TAS2R1: variants seen among roughly 807,000 people sequenced by gnomAD.
TAS2R1 encodes the protein taste receptor type 2 member 1.
For synonymous variants in TAS2R1, 141 were observed against 134.2 expected, an observed-to-expected ratio of 1.05 and a Z score of -0.35; for missense variants, 370 against 353.4, an observed-to-expected ratio of 1.05 and a Z score of -0.38.
At chr5:9,754,946 A>T in the TAS2R1 span, among the ~76,000 whole-genome samples, 1 of 152,230 alleles carries the variant, frequency 6.6e-6, no homozygotes, top group Non-Finnish European at 1.5e-5. Context: ...GTCAATCCTA[A>T]GCCAAAAGAA....
chr5:9,774,536 G>A, the TAS2R1 span, among the ~76,000 whole-genome samples: 2 of 152,304 alleles, frequency 1.3e-5, no homozygotes, highest in South Asian at 2.1e-4. Flanking sequence ...TTGTAGTCCT[G>A]ACAACCCGCA....
At chr5:9,851,831 T>C in the TAS2R1 span, among the ~76,000 whole-genome samples, 4 of 152,226 alleles carry the variant, frequency 2.6e-5, no homozygotes, top group Admixed American at 6.5e-5. Context: ...CTTCAAGCTT[T>C]GCTGGTCACA....
At chr5:9,729,553 A>G in the TAS2R1 span, among the ~76,000 whole-genome samples, 1 of 151,526 alleles carries the variant, frequency 6.6e-6, no homozygotes, top group Non-Finnish European at 1.5e-5. Context: ...GCTGTGGAGA[A>G]GCTTCCAGAA....
At chr5:9,632,753 C>A (rs1739892444), upstream of TAS2R1, among the ~76,000 whole-genome samples, 1 of 152,156 alleles carries the variant, frequency 6.6e-6, no homozygotes, top group Non-Finnish European at 1.5e-5. Flanking sequence ...CATCTTCAGG[C>A]TCTACTTCTA....
the TAS2R1 span, among the ~76,000 whole-genome samples, chr5:9,806,946 C>G: frequency 2.0e-5 from 3 of 151,986 alleles, no homozygotes; most frequent in Non-Finnish European, 4.4e-5. Flanking sequence ...AAGAAATAAT[C>G]AACAAAGTTA....
the TAS2R1 span, among the ~76,000 whole-genome samples, chr5:9,829,420 T>A: frequency 3.3e-5 from 5 of 152,166 alleles, no homozygotes; most frequent in African/African-American, 1.2e-4. Context: ...GTCATTCCTC[T>A]AAGAACATCT....
chr5:9,748,944 C>G, the TAS2R1 span, among the ~76,000 whole-genome samples: 168 of 152,276 alleles, frequency 1.1e-3, no homozygotes, highest in African/African-American at 3.8e-3. Flanking sequence ...CCTCCATACC[C>G]AGCCAGGGCC....
chr5:9,837,538 A>G, the TAS2R1 span, among the ~76,000 whole-genome samples: 36,355 of 152,144 alleles, frequency 0.24, 4,607 homozygotes, highest in African/African-American at 0.33. Context: ...TGCTGGTCAG[A>G]ATGGAGCGAT....
chr5:9,806,274 C>T, the TAS2R1 span, among the ~76,000 whole-genome samples: 4 of 152,094 alleles, frequency 2.6e-5, no homozygotes, highest in Admixed American at 2.0e-4. Flanking sequence ...GGAACACATC[C>T]TATGCTCATT....
chr5:9,844,705 T>G, the TAS2R1 span, among the ~76,000 whole-genome samples: 1 of 152,170 alleles, frequency 6.6e-6, no homozygotes, highest in Non-Finnish European at 1.5e-5. Context: ...GAACTCTATA[T>G]TCTGCTTGGA....
chr5:9,736,158 T>C, the TAS2R1 span, among the ~76,000 whole-genome samples: 12 of 152,302 alleles, frequency 7.9e-5, no homozygotes, highest in East Asian at 2.3e-3. Flanking sequence ...TTACACAGGT[T>C]TTACTGAAAC....
At chr5:9,831,619 C>T in the TAS2R1 span, among the ~76,000 whole-genome samples, 1 of 124,612 alleles carries the variant, frequency 8.0e-6, no homozygotes, top group Non-Finnish European at 1.9e-5. Context: ...GAGCATGTTT[C>T]TGTTTTTTTT....
chr5:9,761,027 T>G, the TAS2R1 span: 4 of 152,190 alleles, frequency 2.6e-5, no homozygotes, highest in African/African-American at 7.2e-5. Context: ...GATATGATTA[T>G]CTATGCAGAA....
chr5:9,769,710 T>C, the TAS2R1 span, among the ~76,000 whole-genome samples: 1 of 152,230 alleles, frequency 6.6e-6, no homozygotes, highest in Non-Finnish European at 1.5e-5. Flanking sequence ...TTGTATGTCT[T>C]CTTTTGAGAA....
the TAS2R1 span, among the ~76,000 whole-genome samples, chr5:9,842,308 C>CTTTT: frequency 7.7e-6 from 1 of 129,886 alleles, no homozygotes; most frequent in Non-Finnish European, 1.6e-5. Context: ...GGAAGTCTTT[C>CTTTT]TTTCTCTCTT....
chr5:9,628,010 C>T lies in TAS2R1; in HGVS notation c.*1123G>A, dbSNP rs961217277. ...AACCTAAACCTGCTTTGCATCATCA[C>T]GCCTGAACTACAAGTTACCGCTGAG... On this transcript the variant is annotated 3_prime_UTR_variant, in exon 1 of 1. Coordinates refer to ENST00000382492, the MANE Select transcript of TAS2R1 (RefSeq NM_019599.3). 2.6e-5 allele frequency among the ~76,000 whole-genome samples: 4 copies of T among 152,146 alleles called. No homozygotes were observed. Among genetic ancestry groups the T allele is most frequent in the Admixed American group, 1.3e-4 (2 of 15,278 alleles).
the TAS2R1 span, among the ~76,000 whole-genome samples, chr5:9,840,953 C>T: frequency 6.7e-6 from 1 of 148,612 alleles, no homozygotes; most frequent in East Asian, 2.0e-4. Flanking sequence ...CAGCTCACTG[C>T]AAACTCTGCC....
chr5:9,692,380 A>AT (rs1183726909), intron 1 of TAS2R1, among the ~76,000 whole-genome samples: 1 of 152,126 alleles, frequency 6.6e-6, no homozygotes, highest in Non-Finnish European at 1.5e-5. Context: ...ACACAATCAT[A>AT]TTTTTGTGTT....
the TAS2R1 span, among the ~76,000 whole-genome samples, chr5:9,822,523 G>C: frequency 6.6e-6 from 1 of 151,622 alleles, no homozygotes; most frequent in Admixed American, 6.6e-5. Context: ...CTAATTTTCT[G>C]TATTTTTAGT....
Sources: allele counts gnomAD v4.1 joint callset (sites outside exome capture counted in the v4.1 genomes callset), GRCh38; gene constraint gnomAD v4.1.1; transcripts MANE v1.5; gene names NCBI Gene and HGNC (gene_info 2026-07-23, HGNC 2026-07-21).